KLHL36: variants seen among roughly 807,000 people sequenced by gnomAD.
The protein encoded by KLHL36 is kelch like family member 36.
KLHL36 carries 35 observed loss-of-function variants against 53.3 expected under a neutral mutation model. The ratio of observed to expected loss-of-function variants is 0.66; its 90% CI spans 0.50 to 0.87. The LOEUF is 0.87. Ranked by LOEUF, KLHL36 falls within the 40% of genes least tolerant of loss-of-function variation. The pLI is 0.00. For synonymous variants in KLHL36, 472 were observed against 398.9 expected (o/e 1.18, Z -2.18); for missense variants, 864 against 897.6 (o/e 0.96, Z 0.48).
At chr16:84,660,609 G>A (rs895506098) in intron 4 of KLHL36, among the ~76,000 whole-genome samples, 13 of 152,140 alleles carry the variant, frequency 8.5e-5, no homozygotes, top group South Asian at 4.1e-4. Flanking sequence ...TTAGAAGTGT[G>A]TGGGGTAAGC....
intron 3 of KLHL36, chr16:84,658,503 G>A (rs1244191049): frequency 6.6e-6 from 1 of 152,326 alleles, no homozygotes; most frequent in Non-Finnish European, 1.5e-5. Flanking sequence ...GGCATGTATT[G>A]TGTCCTGATT....
rs881583 is a variant in KLHL36 at position 84,664,788 on chromosome 16, C to G, written c.*2655C>G. The G allele has an allele frequency of 0.33, 50,542 of 152,068 alleles. 8,569 individuals are homozygous for G. The highest frequency in any genetic ancestry group is 0.4 in the East Asian group (2,057 of 5,172). The allele number at this position is 152,068 out of a possible 1,614,324, so 9.4% of individuals were successfully genotyped here. On this transcript the variant is annotated 3_prime_UTR_variant, in exon 5 of 5. Coordinates refer to ENST00000564996, the MANE Select transcript of KLHL36 (RefSeq NM_024731.4). ...TGTCTTTTTAAGTTGAAAATTCACC[C>G]TACTGTGCATGAAAATGGAACTGAA...
rs202121345 is a variant in KLHL36 at position 84,656,878 on chromosome 16, G to A, written c.71G>A (p.Arg24His). The change falls in exon 3 of 5, where the codon CGC (arginine) becomes CAC (histidine). Residue 24 changes from arginine (R) to histidine (H), a missense_variant. Coordinates refer to ENST00000564996, the MANE Select transcript of KLHL36 (RefSeq NM_024731.4). ...YKISESSKVY[R>H]WADHSSTVLQ... ...TGTGTCTTCTCTGTCCAGGTATACCGCTGGGCCGACCACTCAAGCACGGTG... is the reference window on the plus strand; with the variant it reads ...TGTGTCTTCTCTGTCCAGGTATACCACTGGGCCGACCACTCAAGCACGGTG... 4.6e-5 allele frequency: 74 copies of A among 1,606,582 alleles called. No homozygotes were observed. The Admixed American group carries it at 7.2e-4, about 16-fold the overall frequency.
intron 2 of KLHL36, among the ~76,000 whole-genome samples, chr16:84,655,670 C>G (rs1211301870): frequency 6.7e-6 from 1 of 148,758 alleles, no homozygotes; most frequent in Non-Finnish European, 1.5e-5. Flanking sequence ...TGCCACTGCA[C>G]TCCAGCCTGG....
Position 84,661,365 on chromosome 16 carries a change from C to G in KLHL36, c.1296-213C>G, listed in dbSNP as rs570277953. The stretch of plus-strand genomic sequence containing the variant: ...GAGTGAAGCTGGGTTCTGGCCCAGG[C>G]GGCCTGACTGCAAAGCTGTCCACTT... On this transcript the variant is annotated intron_variant, in intron 4 of 4. Transcript: ENST00000564996. The surrounding 1 kb of genome is among the most constrained non-coding windows in gnomAD (Gnocchi z 7.9). Among the ~76,000 whole-genome samples the G allele has an allele frequency of 6.6e-6, 1 of 152,300 alleles. No individual in the cohort carries two copies. The highest frequency in any genetic ancestry group is 2.4e-5 in the African/African-American group (1 of 41,568).
intron 4 of KLHL36, among the ~76,000 whole-genome samples, chr16:84,660,382 GA>G (rs1907477223): frequency 6.6e-6 from 1 of 152,168 alleles, no homozygotes; most frequent in Non-Finnish European, 1.5e-5. Context: ...TGCTGCTTGT[GA>G]AACCTGCATC....
rs1907904432 is a variant in KLHL36, at chr16:84,667,512, C to T, written c.*5379C>T. The T allele has an allele frequency of 6.6e-6, 1 of 152,256 alleles. No individual in the cohort carries two copies. The allele number at this position is 152,256 out of a possible 1,614,324, so 9.4% of individuals were successfully genotyped here. A position where few individuals can be genotyped will look rare whatever the true frequency, so the allele number is the denominator to read the frequency against. On this transcript the variant is annotated 3_prime_UTR_variant, in exon 5 of 5. Transcript: ENST00000564996. The stretch of plus-strand genomic sequence containing the variant: ...TTTTCTCTTTGTTTTTAATTCCATA[C>T]AGAGTATTCAATTCTTGAAACACAT...
chr16:84,661,585 T>G lies in KLHL36; in HGVS notation c.1303T>G (p.Tyr435Asp), dbSNP rs1907549297. The change falls in exon 5 of 5, where the codon TAC (tyrosine) becomes GAC (aspartate). Residue 435 changes from tyrosine (Y) to aspartate (D), a missense_variant. Physicochemically the swap from Tyr to Asp is radical, Grantham distance 160 (BLOSUM62 -3). Transcript: ENST00000564996. This position sits in a 1 kb window ranked among gnomAD's most constrained non-coding sequence, Gnocchi z 7.9. ...TGCCCGTCGACCCTGCAGGTTCACG[T>G]ACGGCCACGCGGGCACCATCTACAA... The part of the protein sequence containing the change: ...SYVAGLPRFT[Y>D]GHAGTIYKDF... 1 of 1,585,308 alleles carries G rather than the reference T, an allele frequency of 6.3e-7. No individual in the cohort carries two copies. Among genetic ancestry groups the G allele is most frequent in the Non-Finnish European group, 8.6e-7 (1 of 1,161,396 alleles).
In KLHL36 at chr16:84,650,912, G is replaced by C. The variant is rs771528247; in HGVS notation, c.45G>C (p.Lys15Asn). 1.2e-5 allele frequency: 19 copies of C among 1,611,572 alleles called. No individual in the cohort carries two copies. The East Asian group carries it at 4.3e-4, about 36-fold the overall frequency. The change falls in exon 2 of 5, where the codon AAG becomes AAC. Residue 15 changes from lysine (K) to asparagine (N), a missense_variant. Transcript: ENST00000564996. ...SRQTRVSRPYKISESSKVYRW... is the reference protein window; with the variant it reads ...SRQTRVSRPYNISESSKVYRW... ...AGACGCGAGTGTCTCGGCCATACAAGATCAGCGAATCATCAAAGGTCTGTG... is the reference window on the plus strand; with the variant it reads ...AGACGCGAGTGTCTCGGCCATACAACATCAGCGAATCATCAAAGGTCTGTG...
In KLHL36 at chr16:84,665,231, T is replaced by A. The variant is rs1227951405; in HGVS notation, c.*3098T>A. ...GTGTTTCAAGCTATTCTGCTTGAAT[T>A]TTGAAGACACCTGGATCTTTTTTTT... On this transcript the variant is annotated 3_prime_UTR_variant, in exon 5 of 5. Coordinates refer to ENST00000564996, the MANE Select transcript of KLHL36 (RefSeq NM_024731.4). 3.4e-5 allele frequency: 5 copies of A among 146,068 alleles called. No individual in the cohort carries two copies. The highest frequency in any genetic ancestry group is 1.4e-4 in the Admixed American group (2 of 14,600). The allele number at this position is 146,068 out of a possible 1,614,324, so 9.0% of individuals were successfully genotyped here. A position where few individuals can be genotyped will look rare whatever the true frequency, so the allele number is the denominator to read the frequency against.
chr16:84,658,312 C>T (rs193241889), intron 3 of KLHL36: 20 of 176,742 alleles, frequency 1.1e-4, no homozygotes, highest in African/African-American at 4.0e-4. Flanking sequence ...TCACTTTAAC[C>T]GATTGACGTG....
chr16:84,661,601 C>T lies in KLHL36; in HGVS notation c.1319C>T (p.Thr440Ile). Residue 440 changes from threonine to isoleucine, a missense_variant, in exon 5 of 5, where the codon ACC becomes ATC. Thr to Ile is a moderately conservative substitution (Grantham distance 89). Transcript: ENST00000564996. The surrounding 1 kb of genome is among the most constrained non-coding windows in gnomAD (Gnocchi z 7.9). The stretch of plus-strand genomic sequence containing the variant: ...AGGTTCACGTACGGCCACGCGGGCA[C>T]CATCTACAAAGACTTCGTGTACATC... Reference protein sequence around the residue: ...LPRFTYGHAGTIYKDFVYISG... With the variant: ...LPRFTYGHAGIIYKDFVYISG... 1 of 1,601,908 alleles carries T rather than the reference C, an allele frequency of 6.2e-7. No homozygotes were observed. Among genetic ancestry groups the T allele is most frequent in the Non-Finnish European group, 8.5e-7 (1 of 1,171,962 alleles).
chr16:84,656,822 A>AG, intron 2 of KLHL36, 49 bp from the exon 3 acceptor site: 1 of 1,446,574 alleles, frequency 6.9e-7, no homozygotes, highest in Non-Finnish European at 9.5e-7. Context: ...GGGTTGGACC[A>AG]GGGCCGAGCA....
chr16:84,655,653 G>A (rs569647320), intron 2 of KLHL36, among the ~76,000 whole-genome samples: 5 of 148,690 alleles, frequency 3.4e-5, no homozygotes, highest in Admixed American at 2.0e-4. Context: ...GCAGTGAGCC[G>A]AGATTGTGCC....
At chr16:84,660,809 A>G (rs1219445596) in intron 4 of KLHL36, among the ~76,000 whole-genome samples, 1 of 152,074 alleles carries the variant, frequency 6.6e-6, no homozygotes, top group Non-Finnish European at 1.5e-5. Flanking sequence ...TTTGGTAGAG[A>G]CAGGATTTCA....
intron 1 of KLHL36, among the ~76,000 whole-genome samples, chr16:84,649,496 C>CTCAG (rs35366023): frequency 0.29 from 44,560 of 151,992 alleles, 6,845 homozygotes; most frequent in Non-Finnish European, 0.34. Flanking sequence ...TGTCACCTCT[C>CTCAG]AGCGTGAAGG....
At chr16:84,658,235 C>T in intron 3 of KLHL36, 4 of 296,818 alleles carry the variant, frequency 1.3e-5, no homozygotes, top group South Asian at 1.4e-4. Context: ...TAGCCACAGC[C>T]GCATGTGGCG....
Position 84,666,263 on chromosome 16 carries a change from C to A in KLHL36, c.*4130C>A, listed in dbSNP as rs1186563334. The stretch of plus-strand genomic sequence containing the variant: ...TTTCCACCTCATCCCTTTCCTCCGG[C>A]CCCTTGATTTGTGCTGGACAACAAA... On this transcript the variant is annotated 3_prime_UTR_variant, in exon 5 of 5. Coordinates refer to ENST00000564996, the MANE Select transcript of KLHL36 (RefSeq NM_024731.4). 6.6e-6 allele frequency: 1 copy of A among 152,234 alleles called. No homozygotes were observed. Among genetic ancestry groups the A allele is most frequent in the African/African-American group, 2.4e-5 (1 of 41,448 alleles). The allele number at this position is 152,234 out of a possible 1,614,324, so 9.4% of individuals were successfully genotyped here.
At position 84,665,664 on chromosome 16, in the gene KLHL36, C is replaced by T. The variant is rs539096142; in HGVS notation, c.*3531C>T. 50 of 152,268 alleles carry T rather than the reference C, an allele frequency of 3.3e-4. No homozygotes were observed. The highest frequency in any genetic ancestry group is 1.1e-3 in the African/African-American group (44 of 41,492). 9.4% of individuals were successfully genotyped at this position (152,268 alleles called of 1,614,324 possible). A position where few individuals can be genotyped will look rare whatever the true frequency, so the allele number is the denominator to read the frequency against. ...GTGACTTCATGGAGACCCAGAAACTCACCCTAAGGGGTGTTCACCTTTGAG... is the reference window on the plus strand; with the variant it reads ...GTGACTTCATGGAGACCCAGAAACTTACCCTAAGGGGTGTTCACCTTTGAG... On this transcript the variant is annotated 3_prime_UTR_variant, in exon 5 of 5. Coordinates refer to ENST00000564996, the MANE Select transcript of KLHL36 (RefSeq NM_024731.4).
Sources: allele counts gnomAD v4.1 joint callset (sites outside exome capture counted in the v4.1 genomes callset), GRCh38; gene constraint gnomAD v4.1.1; non-coding constraint Gnocchi (gnomAD v3.1); transcripts MANE v1.5; gene names NCBI Gene and HGNC (gene_info 2026-07-23, HGNC 2026-07-21).